The following GPR149 variants were observed in gnomAD, a reference collection of about 807,000 sequenced individuals.
GPR149 encodes the protein probable G protein-coupled receptor 149.
A neutral mutation model predicts 50.2 loss-of-function variants in GPR149; 50 were observed. The ratio of observed to expected loss-of-function variants is 1.00; its 90% CI spans 0.79 to 1.26. The LOEUF (loss-of-function observed/expected upper bound fraction) is 1.26. GPR149 is among the 50% of genes most tolerant of loss of function. The pLI is 0.00. For synonymous variants in GPR149, 405 were observed against 358.2 expected (o/e 1.13, Z -1.48); for missense variants, 983 against 895.4 (o/e 1.10, Z -1.25).
chr3:154,427,491 A>G, intron 2 of GPR149, 25 bp downstream of exon 2: 1 of 1,565,074 alleles, frequency 6.4e-7, no homozygotes. Context: ...TATTGCTGCC[A>G]ATCACTGCAG....
At position 154,353,772 on chromosome 3, in the gene GPR149, T is replaced by C; in HGVS notation, c.1624-15501A>G. 8.1e-6 allele frequency: 6 copies of C among 745,034 alleles called. No individual in the cohort carries two copies. In the South Asian group the frequency reaches 8.8e-5, roughly 11 times the overall value. The allele number at this position is 745,034 out of a possible 1,614,324, so 46.2% of individuals were successfully genotyped here. Reference sequence around the variant, plus strand: ...CAATCAAGGGGATGGCAAAAAAGAATGTCTTTCCTGTTCCTGTCCATGCTC... The same window carrying C: ...CAATCAAGGGGATGGCAAAAAAGAACGTCTTTCCTGTTCCTGTCCATGCTC... On this transcript the variant is annotated intron_variant, in intron 3 of 3. Transcript: ENST00000389740.
At chr3:154,387,438 T>C (rs1316247551) in intron 3 of GPR149, among the ~76,000 whole-genome samples, 1 of 152,208 alleles carries the variant, frequency 6.6e-6, no homozygotes, top group Non-Finnish European at 1.5e-5. Flanking sequence ...GTTTGTTGAG[T>C]GAATAATATA....
At chr3:154,350,338 G>A (rs1714045088) in intron 3 of GPR149, among the ~76,000 whole-genome samples, 1 of 152,168 alleles carries the variant, frequency 6.6e-6, no homozygotes, top group South Asian at 2.1e-4. Context: ...GCTAATGATT[G>A]AGCTAAGCAA....
chr3:154,348,924 G>A (rs551007376), intron 3 of GPR149, among the ~76,000 whole-genome samples: 1 of 152,162 alleles, frequency 6.6e-6, no homozygotes, highest in Admixed American at 6.5e-5. Context: ...CAATTAAACA[G>A]TATGTTCTCT....
chr3:154,413,845 C>T (rs1228317508), intron 3 of GPR149, among the ~76,000 whole-genome samples: 2 of 151,754 alleles, frequency 1.3e-5, no homozygotes, highest in African/African-American at 2.4e-5. Flanking sequence ...GAAAAAGATA[C>T]TTGCACATGC....
At chr3:154,410,320 T>G (rs1005727915) in intron 3 of GPR149, among the ~76,000 whole-genome samples, 3 of 151,766 alleles carry the variant, frequency 2.0e-5, no homozygotes, top group African/African-American at 7.3e-5. Flanking sequence ...ACAATAACAA[T>G]GAAAAAAACC....
At chr3:154,349,127 T>C (rs1249628452) in intron 3 of GPR149, among the ~76,000 whole-genome samples, 1 of 151,988 alleles carries the variant, frequency 6.6e-6, no homozygotes, top group Non-Finnish European at 1.5e-5. Context: ...AGAGAGAAAT[T>C]TAAAGCACTA....
chr3:154,339,858 C>A (rs985091695), intron 3 of GPR149, among the ~76,000 whole-genome samples: 2 of 126,948 alleles, frequency 1.6e-5, no homozygotes, highest in African/African-American at 3.1e-5. Flanking sequence ...GGCTCGATCT[C>A]GGTTCACTGC....
intron 3 of GPR149, among the ~76,000 whole-genome samples, chr3:154,401,780 C>T (rs1043729207): frequency 1.1e-4 from 16 of 152,076 alleles, no homozygotes; most frequent in Non-Finnish European, 1.6e-4. Flanking sequence ...AGATCAGATC[C>T]GGCCTGAGGG....
chr3:154,390,379 A>G (rs1715143272), intron 3 of GPR149, among the ~76,000 whole-genome samples: 1 of 152,154 alleles, frequency 6.6e-6, no homozygotes, highest in African/African-American at 2.4e-5. Flanking sequence ...GATAGAAAAT[A>G]TAAGAAAATG....
chr3:154,410,563 C>T (rs1037228298), intron 3 of GPR149, among the ~76,000 whole-genome samples: 2 of 152,058 alleles, frequency 1.3e-5, no homozygotes, highest in African/African-American at 2.4e-5. Flanking sequence ...ACAAAGCAAA[C>T]TGTAAAGTAG....
Position 154,427,532 on chromosome 3 carries a change from C to G in GPR149, c.1158G>C (p.Ala386=). The change falls in exon 2 of 4, where the codon GCG becomes GCC. Residue 386 remains alanine, a synonymous_variant. Coordinates refer to ENST00000389740, the MANE Select transcript of GPR149 (RefSeq NM_001038705.3). ...AGGACTTACTTTTTTTCCCATCGGA[C>G]GCCACTGCATATGCGTTCTGCCTGC... ...INCRQNAYAV[A]SDGKKIKRKG... 6.2e-7 allele frequency: 1 copy of G among 1,609,400 alleles called. No homozygotes were observed. Among genetic ancestry groups the G allele is most frequent in the East Asian group, 2.2e-5 (1 of 44,858 alleles).
intron 3 of GPR149, among the ~76,000 whole-genome samples, chr3:154,403,648 A>G (rs1711602973): frequency 6.6e-6 from 1 of 152,210 alleles, no homozygotes; most frequent in Admixed American, 6.5e-5. Flanking sequence ...AGAGATCAGC[A>G]CAAGCGAGTT....
intron 3 of GPR149, among the ~76,000 whole-genome samples, chr3:154,413,663 G>A (rs553165517): frequency 6.6e-6 from 1 of 151,248 alleles, no homozygotes; most frequent in Non-Finnish European, 1.5e-5. Context: ...AATAGATGTT[G>A]ACAGGGATGT....
chr3:154,340,152 T>C (rs1022014609), intron 3 of GPR149, among the ~76,000 whole-genome samples: 1 of 152,132 alleles, frequency 6.6e-6, no homozygotes, highest in Admixed American at 6.6e-5. Context: ...GTGTGAGACA[T>C]ATGATCATTC....
intron 3 of GPR149, chr3:154,354,166 G>A: frequency 2.0e-6 from 1 of 491,266 alleles, no homozygotes; most frequent in South Asian, 1.6e-5. Context: ...AAGCATCCAG[G>A]TCATCTATAA....
intron 3 of GPR149, among the ~76,000 whole-genome samples, chr3:154,347,929 C>T (rs1032560385): frequency 2.0e-5 from 3 of 152,164 alleles, no homozygotes; most frequent in African/African-American, 7.2e-5. Flanking sequence ...ACTATTGAGG[C>T]TGTGGAGGGT....
At chr3:154,422,401 T>C (rs757143961) in intron 2 of GPR149, among the ~76,000 whole-genome samples, 4 of 151,720 alleles carry the variant, frequency 2.6e-5, no homozygotes, top group Non-Finnish European at 5.9e-5. Flanking sequence ...AGACAAGATA[T>C]AATTTAATGT....
At position 154,427,688 on chromosome 3, in the gene GPR149, G is replaced by T; in HGVS notation, c.1002C>A (p.Asn334Lys). ...AGGGAAGGCTCTGAAACCCCACGAC[G>T]TTCTGGACCACCATGTGCATCTGCA... ...LPMMMHMVVQ[N>K]VVGFQSLPLE... Residue 334 changes from asparagine to lysine, a missense_variant, in exon 2 of 4, where the codon AAC (asparagine) becomes AAA (lysine). Transcript: ENST00000389740. 1 of 1,612,776 alleles carries T rather than the reference G, an allele frequency of 6.2e-7. No homozygotes were observed. Among genetic ancestry groups the T allele is most frequent in the South Asian group, 1.1e-5 (1 of 90,906 alleles).
Sources: gnomAD v4.1 joint callset for allele counts (sites outside exome capture counted in the v4.1 genomes callset) on GRCh38, gnomAD v4.1.1 for gene constraint, MANE v1.5 for transcripts, NCBI Gene and HGNC (gene_info 2026-07-23, HGNC 2026-07-21) for gene names.